INTS6: variants seen among roughly 807,000 people sequenced by gnomAD.
INTS6 encodes DEAD box protein.
INTS6 carries 16 observed loss-of-function variants against 104.9 expected under a neutral mutation model. The ratio of observed to expected loss-of-function variants is 0.15; its 90% CI spans 0.10 to 0.23. INTS6 has a LOEUF of 0.23. Among genes scored for constraint, INTS6 ranks in the 10% least tolerant of loss-of-function variants. INTS6 has a pLI of 1.00. For synonymous variants in INTS6, 324 were observed against 358.7 expected (o/e 0.90, Z 1.09); for missense variants, 584 against 1,062.8 (o/e 0.55, Z 6.26).
chr13:51,379,539 G>A lies in INTS6; in HGVS notation c.1309C>T (p.Pro437Ser). The change falls in exon 11 of 18, where the codon CCT (proline) becomes TCT (serine). Residue 437 changes from proline to serine, a missense_variant. Pro to Ser is a moderately conservative substitution (Grantham distance 74). This residue lies in a region of INTS6 where 144 missense variants were observed against 348.7 expected (regional missense o/e 0.41). Coordinates refer to ENST00000311234, the MANE Select transcript of INTS6 (RefSeq NM_012141.3). ...LKKAVRMMGA[P>S]NLIADSMEYG... The stretch of plus-strand genomic sequence containing the variant: ...TCCATACTGTCTGCTATTAGGTTAG[G>A]TGCTCCCATCATCCTAACAGCTTTC... The A allele has an allele frequency of 6.2e-7, 1 of 1,600,942 alleles. No individual in the cohort carries two copies. Among genetic ancestry groups the A allele is most frequent in the Non-Finnish European group, 8.5e-7 (1 of 1,172,904 alleles).
intron 3 of INTS6, among the ~76,000 whole-genome samples, chr13:51,435,245 G>T (rs1236365340): frequency 6.6e-6 from 1 of 151,922 alleles, no homozygotes; most frequent in African/African-American, 2.4e-5. Context: ...CAGAGCAGTG[G>T]TTCCTGTCAT....
chr13:51,370,393 C>T (rs1004160737), intron 15 of INTS6, among the ~76,000 whole-genome samples: 4 of 152,188 alleles, frequency 2.6e-5, no homozygotes, highest in African/African-American at 7.2e-5. Context: ...TTATCACTAT[C>T]TTAGGCCAAT....
chr13:51,368,860 TACTTG>T (rs1955743211), intron 16 of INTS6, 74 bp downstream of exon 16: 4 of 1,399,478 alleles, frequency 2.9e-6, no homozygotes, highest in Non-Finnish European at 3.9e-6. Flanking sequence ...TTACTACAGT[TACTTG>T]ACTTTTTTTT....
intron 3 of INTS6, chr13:51,438,967 G>C (rs1952743687): frequency 6.6e-6 from 1 of 152,046 alleles, no homozygotes; most frequent in African/African-American, 2.4e-5. Flanking sequence ...AATTATTTCA[G>C]AATAATTCTG....
At chr13:51,358,578 C>T (rs371882052), downstream of INTS6, among the ~76,000 whole-genome samples, 9 of 152,138 alleles carry the variant, frequency 5.9e-5, no homozygotes, top group East Asian at 7.7e-4. Flanking sequence ...TAAGGCCATT[C>T]GTATAGTGGT....
At chr13:51,374,471 T>C in intron 14 of INTS6, 32 bp from the exon 15 acceptor site, 1 of 1,596,468 alleles carries the variant, frequency 6.3e-7, no homozygotes, top group Non-Finnish European at 8.6e-7. Flanking sequence ...CTTTCTTGAA[T>C]TTACAAACAA....
chr13:51,422,467 C>CT (rs1956912479), intron 4 of INTS6, among the ~76,000 whole-genome samples: 1 of 152,100 alleles, frequency 6.6e-6, no homozygotes, highest in African/African-American at 2.4e-5. Flanking sequence ...AATACTTTGC[C>CT]TTTTTTCTCC....
intron 17 of INTS6, among the ~76,000 whole-genome samples, chr13:51,366,252 T>C (rs1214446856): frequency 6.6e-6 from 1 of 151,986 alleles, no homozygotes; most frequent in African/African-American, 2.4e-5. Flanking sequence ...TTGAAAGGAA[T>C]GTGAACAAAG....
chr13:51,420,864 A>C (rs1367805560), intron 4 of INTS6, among the ~76,000 whole-genome samples: 2 of 152,154 alleles, frequency 1.3e-5, no homozygotes, highest in South Asian at 2.1e-4. Flanking sequence ...GACAACAGAT[A>C]CTAACCTAAA....
chr13:51,394,714 A>G (rs1032604493), intron 5 of INTS6, among the ~76,000 whole-genome samples: 7 of 152,306 alleles, frequency 4.6e-5, no homozygotes, highest in African/African-American at 1.4e-4. Flanking sequence ...CACGCAATAC[A>G]TACCTATATG....
chr13:51,338,484 T>TGCACGGACAGAC, the INTS6 span, among the ~76,000 whole-genome samples: 1 of 151,836 alleles, frequency 6.6e-6, no homozygotes, highest in Non-Finnish European at 1.5e-5. Context: ...GATGGATGGA[T>TGCACGGACAGAC]GGATGCACGG....
chr13:51,448,658 T>G (rs1180370275), intron 3 of INTS6: 1 of 152,210 alleles, frequency 6.6e-6, no homozygotes, highest in African/African-American at 2.4e-5. Flanking sequence ...ATGGTGGATA[T>G]CTACATAAAT....
chr13:51,414,872 TTCTAAGAC>T (rs1272950954), intron 4 of INTS6, among the ~76,000 whole-genome samples: 1 of 116,462 alleles, frequency 8.6e-6, no homozygotes, highest in Non-Finnish European at 1.8e-5. Flanking sequence ...ACACACACAG[TTCTAAGAC>T]TCAAGATTGA....
chr13:51,334,622 C>T, the INTS6 span, among the ~76,000 whole-genome samples: 5 of 152,066 alleles, frequency 3.3e-5, no homozygotes, highest in Non-Finnish European at 5.9e-5. Flanking sequence ...AATTAATAAA[C>T]GTTTTTGAAA....
chr13:51,397,258 A>C lies in INTS6; in HGVS notation c.430-1775T>G, dbSNP rs944519005. Among the ~76,000 whole-genome samples the C allele has an allele frequency of 2.0e-5, 3 of 152,226 alleles. No homozygotes were observed. In the South Asian group the frequency reaches 6.2e-4, roughly 32 times the overall value. Reference sequence around the variant, plus strand: ...TTGACTTACATCAAACCATTAAAAAAAGAAATCCAATTCTATTCTAGGAAG... The same window carrying C: ...TTGACTTACATCAAACCATTAAAAACAGAAATCCAATTCTATTCTAGGAAG... On this transcript the variant is annotated intron_variant, in intron 4 of 17. Transcript: ENST00000311234.
chr13:51,350,893 G>A (rs916133764), downstream of INTS6, among the ~76,000 whole-genome samples: 1 of 152,024 alleles, frequency 6.6e-6, no homozygotes, highest in African/African-American at 2.4e-5. Flanking sequence ...ATTACATATT[G>A]TACAATTATA....
chr13:51,429,987 T>C (rs549030885), intron 4 of INTS6, among the ~76,000 whole-genome samples: 6 of 151,754 alleles, frequency 4.0e-5, no homozygotes, highest in Non-Finnish European at 7.4e-5. Flanking sequence ...TTCCCTTTTT[T>C]AAATCTGAAA....
intron 3 of INTS6, chr13:51,444,785 G>A (rs1358668144): frequency 2.1e-5 from 3 of 145,388 alleles, no homozygotes; most frequent in Admixed American, 2.1e-4. Context: ...CCTTAGGATA[G>A]TGTTTTTCAT....
chr13:51,415,602 C>T (rs1002550290), intron 4 of INTS6, among the ~76,000 whole-genome samples: 1 of 152,156 alleles, frequency 6.6e-6, no homozygotes, highest in Non-Finnish European at 1.5e-5. Context: ...CCTTGCCTTC[C>T]ACCAGGATTG....
Sources: gnomAD v4.1 joint callset for allele counts (sites outside exome capture counted in the v4.1 genomes callset) on GRCh38, gnomAD v4.1.1 for gene constraint, gnomAD v4.1.1 regional missense constraint, MANE v1.5 for transcripts, NCBI Gene and HGNC (gene_info 2026-07-23, HGNC 2026-07-21) for gene names.